Variants in PHF8 observed in about 807,000 individuals in gnomAD.
The protein encoded by PHF8 is histone lysine demethylase PHF8.
PHF8 carries 9 observed loss-of-function variants against 74.4 expected under a neutral mutation model. That is an observed-to-expected ratio of 0.12 (90% CI 0.07 to 0.21). The LOEUF (loss-of-function observed/expected upper bound fraction) is 0.21, where lower values mean the gene tolerates loss of function less well. PHF8 is among the 10% of genes least tolerant of loss of function. PHF8 has a pLI of 1.00. For missense variants in PHF8, 478 were observed against 816.6 expected, an observed-to-expected ratio of 0.59 and a Z score of 5.05; for synonymous variants, 311 against 316.6, an observed-to-expected ratio of 0.98 and a Z score of 0.19.
chrX:53,937,191 T>C lies in PHF8; in HGVS notation c.*1967A>G, dbSNP rs7892782. On this transcript the variant is annotated 3_prime_UTR_variant, in exon 22 of 22. Transcript: ENST00000338154. ...ACACAAAACAACAAACAGGGGGCTC[T>C]AAGAACCCAACTAAGCTAAATGAAA... 15,807 of 110,935 alleles carry C rather than the reference T, an allele frequency of 0.14. 1,220 individuals carry two copies. Among genetic ancestry groups the C allele is most frequent in the African/African-American group, 0.29 (8,711 of 30,261 alleles). 9.1% of individuals were successfully genotyped at this position (110,935 alleles called of 1,213,427 possible).
At chrX:54,047,458 T>C (rs1157620130), upstream of PHF8, among the ~76,000 whole-genome samples, 8 of 112,086 alleles carry the variant, frequency 7.1e-5, no homozygotes, top group East Asian at 2.2e-3. Context: ...TAATCTACTA[T>C]GCATCATGCA....
Position 53,938,181 on chromosome X carries a change from G to A in PHF8, c.*977C>T, listed in dbSNP as rs1603298211. 3 of 1,099,653 alleles carry A rather than the reference G, an allele frequency of 2.7e-6. No homozygotes were observed. The East Asian group carries it at 1.0e-4, about 37-fold the overall frequency. The allele number at this position is 1,099,653 out of a possible 1,213,427, so 90.6% of individuals were successfully genotyped here. Reference sequence around the variant, plus strand: ...GGAGGACCCAGGTGTGGGCCGTCCCGCCACACCCTCCATAATGTCCAGGCT... The same window carrying A: ...GGAGGACCCAGGTGTGGGCCGTCCCACCACACCCTCCATAATGTCCAGGCT... On this transcript the variant is annotated 3_prime_UTR_variant, in exon 22 of 22. Coordinates refer to ENST00000338154, the MANE Select transcript of PHF8 (RefSeq NM_015107.3).
chrX:54,012,939 CAAAA>C (rs782357345), intron 7 of PHF8, among the ~76,000 whole-genome samples: 2 of 38,593 alleles, frequency 5.2e-5, no homozygotes, highest in Admixed American at 3.5e-4. Flanking sequence ...GAGACTGTCT[CAAAA>C]AAAAAAAAAA....
chrX:54,038,219 T>C (rs782598146), intron 2 of PHF8, among the ~76,000 whole-genome samples: 1 of 112,291 alleles, frequency 8.9e-6, no homozygotes, highest in African/African-American at 3.2e-5. Context: ...TTTGAACAAA[T>C]TCCCAGTTGA....
At chrX:53,992,696 G>A (rs1263199167) in intron 14 of PHF8, 40 bp downstream of exon 14, 1 of 808,777 alleles carries the variant, frequency 1.2e-6, no homozygotes, top group Non-Finnish European at 1.9e-6. Flanking sequence ...TATTACCACT[G>A]ACAGTCCCAG....
upstream of PHF8, chrX:54,045,393 A>G (rs782519802): frequency 7.2e-4 from 82 of 113,755 alleles, no homozygotes; most frequent in Non-Finnish European, 1.3e-3. Flanking sequence ...TGCTTTAAAA[A>G]GGAAATGTGT....
At chrX:54,042,930 T>C (rs2066587049) in intron 1 of PHF8, 110 bp from the exon 2 acceptor site, 2 of 610,206 alleles carry the variant, frequency 3.3e-6, no homozygotes, top group South Asian at 3.7e-5. Context: ...GCAACACAGC[T>C]GGTGCGGCTG....
At chrX:53,965,561 C>T (rs1216176189) in intron 18 of PHF8, among the ~76,000 whole-genome samples, 1 of 112,128 alleles carries the variant, frequency 8.9e-6, no homozygotes, top group Non-Finnish European at 1.9e-5. Context: ...CTTGCTTGAA[C>T]CCGGGAGGTG....
rs1365221164 is a variant in PHF8 at position 53,987,138 on chromosome X, C to T, written c.1935G>A (p.Ala645=). ...RPKFPRKLPR[A]KPCSDPNRVR... ...CTCGGTTGGGGTCAGAGCAAGGCTT[C>T]GCACGGGGCAATTTCCGGGGAAATT... The change falls in exon 16 of 22, where the codon GCG becomes GCA. Residue 645 remains alanine (A), a synonymous_variant. Coordinates refer to ENST00000338154, the MANE Select transcript of PHF8 (RefSeq NM_015107.3). The T allele has an allele frequency of 4.2e-6, 5 of 1,197,303 alleles. No homozygotes were observed. Among genetic ancestry groups the T allele is most frequent in the Non-Finnish European group, 4.5e-6 (4 of 882,889 alleles).
At chrX:54,040,756 G>A in intron 2 of PHF8, among the ~76,000 whole-genome samples, 1 of 111,993 alleles carries the variant, frequency 8.9e-6, no homozygotes. Flanking sequence ...GTCATATAAA[G>A]GATACTGAAT....
At chrX:53,978,594 C>A (rs187913134) in intron 18 of PHF8, among the ~76,000 whole-genome samples, 1 of 108,050 alleles carries the variant, frequency 9.3e-6, no homozygotes, top group East Asian at 3.0e-4. Flanking sequence ...GTCAGGAGAT[C>A]GAGACCAGTC....
intron 4 of PHF8, among the ~76,000 whole-genome samples, chrX:54,021,935 TAA>T (rs1433262405): frequency 8.1e-5 from 9 of 111,784 alleles, no homozygotes; most frequent in Non-Finnish European, 1.7e-4. Context: ...TTTTCGATCA[TAA>T]AAGAGATATA....
At chrX:54,016,812 C>G (rs1214732571) in intron 5 of PHF8, 76 bp from the exon 6 acceptor site, 1 of 794,495 alleles carries the variant, frequency 1.3e-6, no homozygotes, top group African/African-American at 2.0e-5. Flanking sequence ...TCATCAGTCC[C>G]TAGAATGGCC....
At chrX:53,953,439 G>A (rs782264930) in intron 19 of PHF8, among the ~76,000 whole-genome samples, 11 of 109,799 alleles carry the variant, frequency 1.0e-4, no homozygotes, top group African/African-American at 2.3e-4. Context: ...ACAGGAGTTC[G>A]AGACCAGCCT....
chrX:53,981,104 C>T (rs1327430474), intron 18 of PHF8, among the ~76,000 whole-genome samples: 1 of 112,291 alleles, frequency 8.9e-6, no homozygotes, highest in Non-Finnish European at 1.9e-5. Context: ...ATCCCAGCTA[C>T]TTGGGAGGCC....
intron 18 of PHF8, among the ~76,000 whole-genome samples, chrX:53,966,262 C>T (rs1263887741): frequency 9.0e-6 from 1 of 111,582 alleles, no homozygotes; most frequent in Non-Finnish European, 1.9e-5. Context: ...TCTCTTTCCA[C>T]GGTCTCCCTC....
At chrX:53,955,535 T>A (rs1187762973) in intron 19 of PHF8, among the ~76,000 whole-genome samples, 2 of 104,584 alleles carry the variant, frequency 1.9e-5, no homozygotes, top group Non-Finnish European at 3.9e-5. Context: ...CTGGCTCACA[T>A]CATGATTTGG....
chrX:54,046,295 A>G (rs2066633464), upstream of PHF8, among the ~76,000 whole-genome samples: 1 of 110,881 alleles, frequency 9.0e-6, no homozygotes, highest in Non-Finnish European at 1.9e-5. Flanking sequence ...CGTCTTTAAG[A>G]AAAAAATAGC....
In PHF8 at chrX:53,979,042, A is replaced by G. The variant is rs973342643; in HGVS notation, c.2443+5872T>C. 3.6e-5 allele frequency among the ~76,000 whole-genome samples: 4 copies of G among 111,035 alleles called. No homozygotes were observed. The Admixed American group carries it at 3.9e-4, about 11-fold the overall frequency. ...TTATGGTGGCTGGAAGAATATAAACATGTGTATACCAAGAGAGTCAATTTT... is the reference window on the plus strand; with the variant it reads ...TTATGGTGGCTGGAAGAATATAAACGTGTGTATACCAAGAGAGTCAATTTT... On this transcript the variant is annotated intron_variant, in intron 18 of 21. Transcript: ENST00000338154.
Sources: allele counts gnomAD v4.1 joint callset (sites outside exome capture counted in the v4.1 genomes callset), GRCh38; gene constraint gnomAD v4.1.1; transcripts MANE v1.5; gene names NCBI Gene and HGNC (gene_info 2026-07-23, HGNC 2026-07-21).